Variants in COL7A1 observed in about 807,000 individuals in gnomAD.
COL7A1 encodes the protein collagen alpha-1(VII) chain.
COL7A1 carries 296 observed loss-of-function variants against 456.2 expected under a neutral mutation model. The observed-to-expected ratio is 0.65, with a 90% CI of 0.59 to 0.71. COL7A1 has a LOEUF of 0.71. Ranked by LOEUF, COL7A1 falls within the 30% of genes least tolerant of loss-of-function variation. The probability of loss-of-function intolerance (pLI) is 0.00; values close to 1 mark genes in which losing one functional copy is unlikely to be tolerated. For missense variants in COL7A1, 3,441 were observed against 4,017.2 expected (o/e 0.86, Z 3.88); for synonymous variants, 1,464 against 1,525.9 (o/e 0.96, Z 0.95).
In COL7A1 at chr3:48,587,505, G is replaced by A. The variant is rs185999235; in HGVS notation, c.2907C>T (p.Ile969=). 50 of 1,613,430 alleles carry A rather than the reference G, an allele frequency of 3.1e-5. No homozygotes were observed. Among genetic ancestry groups the A allele is most frequent in the South Asian group, 1.8e-4 (16 of 91,080 alleles). Reference sequence around the variant, plus strand: ...GAGTCCAGGCCAAAGTCACCGAGTCGATCGAGGTGTCCACCACACGTAGTT... The same window carrying A: ...GAGTCCAGGCCAAAGTCACCGAGTCAATCGAGGTGTCCACCACACGTAGTT... ...SIELRVVDTS[I]DSVTLAWTPV... The change falls in exon 23 of 119, where the codon ATC becomes ATT. Residue 969 remains isoleucine, a synonymous_variant. Coordinates refer to ENST00000681320, the MANE Select transcript of COL7A1 (RefSeq NM_000094.4). The surrounding 1 kb of genome is among the most constrained non-coding windows in gnomAD (Gnocchi z 6.1).
In COL7A1 at chr3:48,586,630, A is replaced by G. The variant is rs1336547704; in HGVS notation, c.3336T>C (p.His1112=). The G allele has an allele frequency of 5.6e-6, 9 of 1,613,632 alleles. No homozygotes were observed. The highest frequency in any genetic ancestry group is 7.6e-6 in the Non-Finnish European group (9 of 1,179,992). ...TCCTTTGCAAGATAATGCCAAGGTC[A>G]TGGGAGCCATTCAGTGGGAACAGTG... ...PSPLFPLNGS[H]DLGIILQRIR... Residue 1112 remains histidine (H), a synonymous_variant, in exon 26 of 119, where the codon CAT becomes CAC. Coordinates refer to ENST00000681320, the MANE Select transcript of COL7A1 (RefSeq NM_000094.4). The surrounding 1 kb of genome is among the most constrained non-coding windows in gnomAD (Gnocchi z 5.1).
chr3:48,575,566 G>T lies in COL7A1; in HGVS notation c.5980-27C>A. On this transcript the variant is annotated intron_variant, in intron 73 of 118. Transcript: ENST00000681320. The surrounding 1 kb of genome is among the most constrained non-coding windows in gnomAD (Gnocchi z 6.3). ...TGCAGGAGTGGAAGAGAGAATGCTG[G>T]TGGCTGTACAGCTACACCCCACTCC... 2 of 1,612,510 alleles carry T rather than the reference G, an allele frequency of 1.2e-6. No homozygotes were observed. The highest frequency in any genetic ancestry group is 8.5e-7 in the Non-Finnish European group (1 of 1,179,990).
rs202014756 is a variant in COL7A1, at chr3:48,582,529, G to T, written c.4564-16C>A. On this transcript the variant is annotated splice_polypyrimidine_tract_variant and intron_variant, in intron 45 of 118. Coordinates refer to ENST00000681320, the MANE Select transcript of COL7A1 (RefSeq NM_000094.4). ...CTGGTGGCCCCTGAATGTAGAGAAA[G>T]TGTGAGCCCAGGAGGGGAAGGGAAA... The T allele has an allele frequency of 5.9e-5, 95 of 1,614,056 alleles. No individual in the cohort carries two copies. The African/African-American group carries it at 1.2e-3, about 20-fold the overall frequency.
rs2045925638 is a variant in COL7A1, at chr3:48,594,408, C to G, written c.226G>C (p.Gly76Arg). ...LPFSGAASAQ[G>R]VRFATVQYSD... ...TACTGCACTGTGGCAAAGCGCACACCCTGTGCACTGGCTGCTCCAGAGAAA... is the reference window on the plus strand; with the variant it reads ...TACTGCACTGTGGCAAAGCGCACACGCTGTGCACTGGCTGCTCCAGAGAAA... The change falls in exon 3 of 119, where the codon GGT becomes CGT. Residue 76 changes from glycine (G) to arginine (R), a missense_variant. Coordinates refer to ENST00000681320, the MANE Select transcript of COL7A1 (RefSeq NM_000094.4). The surrounding 1 kb of genome is among the most constrained non-coding windows in gnomAD (Gnocchi z 5.5). The G allele has an allele frequency of 6.2e-7, 1 of 1,611,762 alleles. No individual in the cohort carries two copies. Among genetic ancestry groups the G allele is most frequent in the East Asian group, 2.2e-5 (1 of 44,890 alleles).
Position 48,594,378 on chromosome 3 carries a change from C to A in COL7A1, c.256G>T (p.Asp86Tyr). 1.2e-6 allele frequency: 2 copies of A among 1,610,600 alleles called. No individual in the cohort carries two copies. The highest frequency in any genetic ancestry group is 8.5e-7 in the Non-Finnish European group (1 of 1,180,022). ...AGGGCCCCTACTCACCGTGGGTCATCGCTGTACTGCACTGTGGCAAAGCGC... is the reference window on the plus strand; with the variant it reads ...AGGGCCCCTACTCACCGTGGGTCATAGCTGTACTGCACTGTGGCAAAGCGC... ...GVRFATVQYS[D>Y]DPRTEFGLDA... The change falls in exon 3 of 119, where the codon GAT (aspartate) becomes TAT (tyrosine). Residue 86 changes from aspartate to tyrosine, a missense_variant. By Grantham distance (160) the Asp-to-Tyr change is radical. Around this residue, in one of 3 missense-constraint regions of COL7A1, gnomAD observed 913 missense variants for 1,088.2 expected, o/e 0.84. Transcript: ENST00000681320. The surrounding 1 kb of genome is among the most constrained non-coding windows in gnomAD (Gnocchi z 5.5).
At position 48,588,964 on chromosome 3, in the gene COL7A1, C is replaced by T. The variant is rs2045495669; in HGVS notation, c.2346G>A (p.Leu782=). ...APEPVGRVSR[L]QILNASSDVL... ...CGTCGCTGGAAGCATTGAGGATCTG[C>T]AGCCTCGACACACGACCCACAGGCT... The change falls in exon 19 of 119, where the codon CTG becomes CTA. Residue 782 remains leucine (L), a synonymous_variant. Transcript: ENST00000681320. This position sits in a 1 kb window ranked among gnomAD's most constrained non-coding sequence, Gnocchi z 4.6. The T allele has an allele frequency of 3.1e-6, 5 of 1,613,424 alleles. No individual in the cohort carries two copies. Among genetic ancestry groups the T allele is most frequent in the South Asian group, 1.1e-5 (1 of 91,096 alleles).
Position 48,565,709 on chromosome 3 carries a change from GA to G in COL7A1, c.8408-42del. The G allele has an allele frequency of 1.9e-6, 3 of 1,575,614 alleles. No individual in the cohort carries two copies. The highest frequency in any genetic ancestry group is 2.6e-6 in the Non-Finnish European group (3 of 1,154,736). ...AGGGATAGAGAGACAATGACAGAGA[GA>G]AGGATGGGAAGATGGAGAGACAGAC... On this transcript the variant is annotated intron_variant, in intron 114 of 118. Transcript: ENST00000681320. This position sits in a 1 kb window ranked among gnomAD's most constrained non-coding sequence, Gnocchi z 4.5.
Position 48,566,233 on chromosome 3 carries a change from T to C in COL7A1, c.8407+34A>G. ...CCTGCCCTTGCCTAGGGTGCTGGGG[T>C]GGAGTGGGAGACTGCGGGCTGGGCA... On this transcript the variant is annotated intron_variant, in intron 114 of 118. Transcript: ENST00000681320. The surrounding 1 kb of genome is among the most constrained non-coding windows in gnomAD (Gnocchi z 5.9). 6 of 1,584,614 alleles carry C rather than the reference T, an allele frequency of 3.8e-6. No individual in the cohort carries two copies. The highest frequency in any genetic ancestry group is 5.1e-6 in the Non-Finnish European group (6 of 1,166,412).
Position 48,579,714 on chromosome 3 carries a change from C to T in COL7A1, c.5155-46G>A. On this transcript the variant is annotated intron_variant, in intron 58 of 118. Transcript: ENST00000681320. This position sits in a 1 kb window ranked among gnomAD's most constrained non-coding sequence, Gnocchi z 4.4. ...CTGAGGAACAGCCTTGAAGCCAAGCCATGCCCAAGGTAGAACCTGCTGGGA... is the reference window on the plus strand; with the variant it reads ...CTGAGGAACAGCCTTGAAGCCAAGCTATGCCCAAGGTAGAACCTGCTGGGA... 1 of 1,613,872 alleles carries T rather than the reference C, an allele frequency of 6.2e-7. No homozygotes were observed. Among genetic ancestry groups the T allele is most frequent in the Non-Finnish European group, 8.5e-7 (1 of 1,179,998 alleles).
Position 48,567,933 on chromosome 3 carries a change from T to G in COL7A1, c.7876-42A>C. 1 of 1,612,324 alleles carries G rather than the reference T, an allele frequency of 6.2e-7. No homozygotes were observed. The highest frequency in any genetic ancestry group is 2.2e-5 in the East Asian group (1 of 44,860). On this transcript the variant is annotated intron_variant, in intron 106 of 118. Coordinates refer to ENST00000681320, the MANE Select transcript of COL7A1 (RefSeq NM_000094.4). The surrounding 1 kb of genome is among the most constrained non-coding windows in gnomAD (Gnocchi z 4.3). ...GATGAAGAAGTGATTCCCAGACACC[T>G]CACTCTGTGACCCCCTTCACCCTGA...
chr3:48,568,182 A>G lies in COL7A1; in HGVS notation c.7795-12T>C. The G allele has an allele frequency of 1.9e-6, 3 of 1,612,086 alleles. No homozygotes were observed. The highest frequency in any genetic ancestry group is 1.7e-6 in the Non-Finnish European group (2 of 1,179,910). On this transcript the variant is annotated splice_polypyrimidine_tract_variant and intron_variant, in intron 105 of 118. Coordinates refer to ENST00000681320, the MANE Select transcript of COL7A1 (RefSeq NM_000094.4). This position sits in a 1 kb window ranked among gnomAD's most constrained non-coding sequence, Gnocchi z 5.2. Reference sequence around the variant, plus strand: ...TTTCCTGGGGATCCCTAGCAGGGAGAGGGTCCATGTGAGGTCAGAGGAGGT... The same window carrying G: ...TTTCCTGGGGATCCCTAGCAGGGAGGGGGTCCATGTGAGGTCAGAGGAGGT...
rs143270071 is a variant in COL7A1 at position 48,592,151 on chromosome 3, G to C, written c.1191C>G (p.Thr397=). ...CGGGCCCCACACTGCGGCCAAATAG[G>C]GTGCTCACGGTCACCTCATAGTCCG... is the stretch of plus-strand genomic sequence containing the variant. ...PGTDYEVTVS[T]LFGRSVGPAT... Residue 397 remains threonine (T), a synonymous_variant, in exon 10 of 119, where the codon ACC becomes ACG. Coordinates refer to ENST00000681320, the MANE Select transcript of COL7A1 (RefSeq NM_000094.4). The surrounding 1 kb of genome is among the most constrained non-coding windows in gnomAD (Gnocchi z 7.6). The C allele has an allele frequency of 2.8e-4, 445 of 1,614,090 alleles. 2 individuals are homozygous for C. The African/African-American group carries it at 3.5e-3, about 13-fold the overall frequency.
In COL7A1 at chr3:48,566,884, G is replaced by A; in HGVS notation, c.8226+23C>T. 6.3e-7 allele frequency: 1 copy of A among 1,582,654 alleles called. No individual in the cohort carries two copies. Among genetic ancestry groups the A allele is most frequent in the Non-Finnish European group, 8.6e-7 (1 of 1,159,012 alleles). ...AGGGTAGGGAAGGTTCAGGGATCAG[G>A]AGTCAGAGCTGGGGCCCCTTACCTT... On this transcript the variant is annotated intron_variant, in intron 111 of 118. Coordinates refer to ENST00000681320, the MANE Select transcript of COL7A1 (RefSeq NM_000094.4). This position sits in a 1 kb window ranked among gnomAD's most constrained non-coding sequence, Gnocchi z 5.9.
At chr3:48,584,966 C>T in intron 33 of COL7A1, 21 bp from the exon 34 acceptor site, 1 of 1,613,780 alleles carries the variant, frequency 6.2e-7, no homozygotes, top group Non-Finnish European at 8.5e-7. Flanking sequence ...AGGCCAGAGG[C>T]AGAACAGTCG....
At position 48,590,598 on chromosome 3, in the gene COL7A1, A is replaced by ACAGAAGT; in HGVS notation, c.1781-21_1781-15dup. On this transcript the variant is annotated splice_polypyrimidine_tract_variant and intron_variant, in intron 14 of 118. Transcript: ENST00000681320. The surrounding 1 kb of genome is among the most constrained non-coding windows in gnomAD (Gnocchi z 4.6). ...GAGTTTCCGGCTCTAGGAGTTACAG[A>ACAGAAGT]CAGAAGTCAGAAGTCAGAACCAGGA... 6.2e-7 allele frequency: 1 copy of ACAGAAGT among 1,614,080 alleles called. No homozygotes were observed. The highest frequency in any genetic ancestry group is 8.5e-7 in the Non-Finnish European group (1 of 1,180,028).
chr3:48,577,133 G>T, intron 65 of COL7A1, 106 bp from the exon 66 acceptor site: 1 of 1,462,730 alleles, frequency 6.8e-7, no homozygotes, highest in Non-Finnish European at 9.5e-7. Flanking sequence ...TGTGCCTGTA[G>T]CTCCATGGTT....
In COL7A1 at chr3:48,587,615, G is replaced by A; in HGVS notation, c.2858-61C>T. The A allele has an allele frequency of 1.2e-6, 2 of 1,611,360 alleles. No homozygotes were observed. Among genetic ancestry groups the A allele is most frequent in the Non-Finnish European group, 1.7e-6 (2 of 1,178,498 alleles). ...GAGTCCTGAGAACCCAGAAGGGAGA[G>A]ATCTGAGATCCTGGGTCCGGTTTGT... On this transcript the variant is annotated intron_variant, in intron 22 of 118. Coordinates refer to ENST00000681320, the MANE Select transcript of COL7A1 (RefSeq NM_000094.4). The surrounding 1 kb of genome is among the most constrained non-coding windows in gnomAD (Gnocchi z 6.1).
Position 48,570,950 on chromosome 3 carries a change from C to T in COL7A1, c.7183G>A (p.Gly2395Ser), listed in dbSNP as rs1233814989. The change falls in exon 95 of 119, where the codon GGC (glycine) becomes AGC (serine). Residue 2395 changes from glycine to serine, a missense_variant. Physicochemically the swap from Gly to Ser is moderately conservative, Grantham distance 56 (BLOSUM62 0). This residue lies in a region of COL7A1 where 2,084 missense variants were observed against 2,501.3 expected (regional missense o/e 0.83). Coordinates refer to ENST00000681320, the MANE Select transcript of COL7A1 (RefSeq NM_000094.4). The surrounding 1 kb of genome is among the most constrained non-coding windows in gnomAD (Gnocchi z 5.5). Reference sequence around the variant, plus strand: ...ACAACACCAGGAGCACCGGGCAGGCCAGGGAGGCCCAGATCTCCCTGAAAT... The same window carrying T: ...ACAACACCAGGAGCACCGGGCAGGCTAGGGAGGCCCAGATCTCCCTGAAAT... ...PGVKGDLGLP[G>S]LPGAPGVVGF... 6.2e-7 allele frequency: 1 copy of T among 1,613,552 alleles called. No individual in the cohort carries two copies. Among genetic ancestry groups the T allele is most frequent in the Non-Finnish European group, 8.5e-7 (1 of 1,179,818 alleles).
chr3:48,571,298 A>T lies in COL7A1; in HGVS notation c.7069-20T>A. 1.9e-6 allele frequency: 3 copies of T among 1,614,106 alleles called. No homozygotes were observed. Among genetic ancestry groups the T allele is most frequent in the Non-Finnish European group, 1.7e-6 (2 of 1,179,984 alleles). ...CTGACCCTAAGAAAACCCAGCAAAC[A>T]GCATTTGAGAGGGTAGGAACATGAG... On this transcript the variant is annotated intron_variant, in intron 92 of 118. Coordinates refer to ENST00000681320, the MANE Select transcript of COL7A1 (RefSeq NM_000094.4). This position sits in a 1 kb window ranked among gnomAD's most constrained non-coding sequence, Gnocchi z 4.6.
Sources: gnomAD v4.1 joint callset for allele counts on GRCh38, gnomAD v4.1.1 for gene constraint, gnomAD v4.1.1 regional missense constraint, Gnocchi (gnomAD v3.1) non-coding constraint, MANE v1.5 for transcripts, NCBI Gene and HGNC (gene_info 2026-07-23, HGNC 2026-07-21) for gene names.